Variants in PRKCE observed in about 807,000 individuals in gnomAD.
PRKCE encodes protein kinase C epsilon type.
Under a neutral mutation model 85.4 loss-of-function variants are expected in PRKCE, and 16 were observed. The ratio of observed to expected loss-of-function variants is 0.19; its 90% CI spans 0.13 to 0.28. The LOEUF is 0.28. Among genes scored for constraint, PRKCE ranks in the 10% least tolerant of loss-of-function variants. The pLI, the probability that PRKCE is intolerant of heterozygous loss-of-function variation, is 1.00. For missense variants in PRKCE, 573 were observed against 975.2 expected, an observed-to-expected ratio of 0.59 and a Z score of 5.49; for synonymous variants, 388 against 371.5, an observed-to-expected ratio of 1.04 and a Z score of -0.51.
At chr2:45,685,251 A>G (rs1393226509) in intron 1 of PRKCE, among the ~76,000 whole-genome samples, 1 of 152,168 alleles carries the variant, frequency 6.6e-6, no homozygotes, top group East Asian at 1.9e-4. Flanking sequence ...TTTGTTGAAA[A>G]CTTTCTCTGT....
intron 10 of PRKCE, among the ~76,000 whole-genome samples, chr2:46,059,589 A>G (rs1478064572): frequency 6.6e-6 from 1 of 152,230 alleles, no homozygotes; most frequent in Non-Finnish European, 1.5e-5. Context: ...TTTTTCTAAT[A>G]TTCTAAGCAG....
rs2104945589 is a variant in PRKCE at position 45,774,895 on chromosome 2, C to T, written c.349-68105C>T. Among the ~76,000 whole-genome samples, 1 of 152,242 alleles carries T rather than the reference C, an allele frequency of 6.6e-6. No individual in the cohort carries two copies. The highest frequency in any genetic ancestry group is 1.9e-4 in the East Asian group (1 of 5,162). On this transcript the variant is annotated intron_variant, in intron 1 of 14. Transcript: ENST00000306156. The surrounding 1 kb of genome is among the most constrained non-coding windows in gnomAD (Gnocchi z 4.3). Reference sequence around the variant, plus strand: ...GGTATCACTGTGACCCGAGGAAGCCCAGTGACACGGTCCCAGCAAGGGTGT... The same window carrying T: ...GGTATCACTGTGACCCGAGGAAGCCTAGTGACACGGTCCCAGCAAGGGTGT...
chr2:45,693,617 C>T (rs1025441515), intron 1 of PRKCE, among the ~76,000 whole-genome samples: 6 of 152,130 alleles, frequency 3.9e-5, no homozygotes, highest in Admixed American at 6.5e-5. Context: ...AGGAGGCTGT[C>T]GGATCTGACA....
chr2:45,883,033 C>T (rs897712776), intron 2 of PRKCE, among the ~76,000 whole-genome samples: 1 of 152,168 alleles, frequency 6.6e-6, no homozygotes, highest in African/African-American at 2.4e-5. Flanking sequence ...ATACTTGGCA[C>T]TCTGGGCTTA....
chr2:46,047,991 A>G (rs1276669916), intron 10 of PRKCE, among the ~76,000 whole-genome samples: 1 of 152,196 alleles, frequency 6.6e-6, no homozygotes, highest in Non-Finnish European at 1.5e-5. Context: ...TGAAAATTGG[A>G]AGACTAACTC....
intron 1 of PRKCE, among the ~76,000 whole-genome samples, chr2:45,691,152 C>T (rs560991660): frequency 6.6e-6 from 1 of 152,130 alleles, no homozygotes; most frequent in Non-Finnish European, 1.5e-5. Flanking sequence ...CCTTTGGAAA[C>T]CAGCGAGCTG....
At chr2:46,106,257 C>T (rs769764141) in intron 11 of PRKCE, among the ~76,000 whole-genome samples, 2 of 152,204 alleles carry the variant, frequency 1.3e-5, no homozygotes, top group Non-Finnish European at 2.9e-5. Context: ...ATGTCTAATT[C>T]TAATCTGTTA....
chr2:46,016,543 A>T (rs1706165286), intron 10 of PRKCE, among the ~76,000 whole-genome samples: 1 of 152,212 alleles, frequency 6.6e-6, no homozygotes, highest in South Asian at 2.1e-4. Context: ...TCTTAATCTA[A>T]CTGCTGCAGC....
chr2:45,836,855 T>C (rs1690923026), intron 1 of PRKCE, among the ~76,000 whole-genome samples: 1 of 152,190 alleles, frequency 6.6e-6, no homozygotes, highest in Admixed American at 6.5e-5. Context: ...GGATTCATCT[T>C]TTTCAGACCC....
At chr2:45,761,305 C>T (rs188320639) in intron 1 of PRKCE, among the ~76,000 whole-genome samples, 62 of 116,076 alleles carry the variant, frequency 5.3e-4, no homozygotes, top group Admixed American at 2.5e-3. Flanking sequence ...CCAGCCTGGG[C>T]GACAGAGCGA....
At chr2:45,775,239 G>A (rs1042577816) in intron 1 of PRKCE, among the ~76,000 whole-genome samples, 1 of 152,162 alleles carries the variant, frequency 6.6e-6, no homozygotes, top group African/African-American at 2.4e-5. Flanking sequence ...TGGTTAAAAA[G>A]TGCCCTCACC....
chr2:46,136,741 C>G, intron 11 of PRKCE, among the ~76,000 whole-genome samples: 1 of 152,150 alleles, frequency 6.6e-6, no homozygotes, highest in East Asian at 1.9e-4. Context: ...CCTGTGAGCC[C>G]CACTGTCTTT....
intron 11 of PRKCE, among the ~76,000 whole-genome samples, chr2:46,129,971 G>T (rs1370515584): frequency 1.3e-5 from 2 of 152,194 alleles, no homozygotes; most frequent in Non-Finnish European, 2.9e-5. Context: ...GGCAATAAAA[G>T]CTGTTTGACA....
intron 4 of PRKCE, among the ~76,000 whole-genome samples, chr2:45,979,247 C>T (rs1410707582): frequency 2.6e-5 from 4 of 152,184 alleles, no homozygotes; most frequent in Non-Finnish European, 4.4e-5. Context: ...CCAATCCACC[C>T]GGCCTTTGTG....
At chr2:46,080,466 G>A (rs1668967467) in intron 10 of PRKCE, among the ~76,000 whole-genome samples, 1 of 152,174 alleles carries the variant, frequency 6.6e-6, no homozygotes, top group South Asian at 2.1e-4. Context: ...GAAATGATGT[G>A]GGGAAACCAA....
chr2:45,657,619 C>T (rs984797328), intron 1 of PRKCE, among the ~76,000 whole-genome samples: 3 of 152,166 alleles, frequency 2.0e-5, no homozygotes, highest in African/African-American at 7.2e-5. Context: ...TTTTCATATT[C>T]TCCAAAGTAG....
chr2:45,892,495 G>T (rs1425289699), intron 2 of PRKCE, among the ~76,000 whole-genome samples: 3 of 152,110 alleles, frequency 2.0e-5, no homozygotes, highest in Admixed American at 2.0e-4. Flanking sequence ...CTGAGGACTT[G>T]AGGACTCAGG....
intron 3 of PRKCE, among the ~76,000 whole-genome samples, 194 bp downstream of exon 3, chr2:45,976,782 A>T (rs2104534795): frequency 6.6e-6 from 1 of 152,104 alleles, no homozygotes; most frequent in Non-Finnish European, 1.5e-5. Flanking sequence ...GAAAGAAGCG[A>T]TGGTTTCTGG....
intron 1 of PRKCE, among the ~76,000 whole-genome samples, chr2:45,676,446 G>A (rs1206572001): frequency 1.3e-5 from 2 of 152,218 alleles, no homozygotes; most frequent in Non-Finnish European, 1.5e-5. Context: ...CTTAATACAT[G>A]CAGGTCAGAA....
Sources: gnomAD v4.1 joint callset for allele counts (sites outside exome capture counted in the v4.1 genomes callset) on GRCh38, gnomAD v4.1.1 for gene constraint, Gnocchi (gnomAD v3.1) non-coding constraint, MANE v1.5 for transcripts, NCBI Gene and HGNC (gene_info 2026-07-23, HGNC 2026-07-21) for gene names.